SEC11C: variants seen among roughly 807,000 people sequenced by gnomAD.
SEC11C encodes SEC11 homolog C, signal peptidase complex subunit, also known as signal peptidase complex catalytic subunit SEC11C.
A neutral mutation model predicts 21.9 loss-of-function variants in SEC11C; 10 were observed. That is an observed-to-expected ratio of 0.46 (90% confidence interval 0.28 to 0.77). SEC11C has a LOEUF of 0.77. Among genes scored for constraint, SEC11C ranks in the 30% least tolerant of loss-of-function variants. The pLI, the probability that SEC11C is intolerant of heterozygous loss-of-function variation, is 0.12. For synonymous variants in SEC11C, 83 were observed against 85.6 expected, an observed-to-expected ratio of 0.97 and a Z score of 0.17; for missense variants, 145 against 244.5, an observed-to-expected ratio of 0.59 and a Z score of 2.71.
chr18:59,157,767 A>G (rs1163877953), intron 5 of SEC11C, 102 bp downstream of exon 5: 2 of 772,578 alleles, frequency 2.6e-6, no homozygotes, highest in Non-Finnish European at 4.5e-6. Context: ...TGTTGCCATT[A>G]ATAGGCCTGC....
intron 1 of SEC11C, among the ~76,000 whole-genome samples, 192 bp downstream of exon 1, chr18:59,140,227 AAGAGCACAATT>A (rs2069194155): frequency 6.6e-6 from 1 of 152,240 alleles, no homozygotes; most frequent in South Asian, 2.1e-4. Flanking sequence ...TTGCCCTGAC[AAGAGCACAATT>A]AGGGGAGGGT....
intron 2 of SEC11C, among the ~76,000 whole-genome samples, chr18:59,150,439 C>T (rs1303692373): frequency 6.6e-6 from 1 of 152,248 alleles, no homozygotes; most frequent in African/African-American, 2.4e-5. Flanking sequence ...CCATGCCTCA[C>T]CAGGCCGCCC....
At position 59,149,509 on chromosome 18, in the gene SEC11C, C is replaced by G. The variant is rs2069321052; in HGVS notation, c.88-4C>G. The G allele has an allele frequency of 6.3e-7, 1 of 1,588,278 alleles. No homozygotes were observed. Among genetic ancestry groups the G allele is most frequent in the African/African-American group, 1.3e-5 (1 of 74,472 alleles). On this transcript the variant is annotated splice_region_variant and splice_polypyrimidine_tract_variant and intron_variant, in intron 1 of 5. Transcript: ENST00000587834. ...TCATCGTGGTTTCCTCTTTTTCATT[C>G]CAGCTCTATTACCAGGTTTTAAACT...
intron 4 of SEC11C, 50 bp downstream of exon 4, chr18:59,155,857 A>C: frequency 6.3e-7 from 1 of 1,598,440 alleles, no homozygotes; most frequent in South Asian, 1.1e-5. Flanking sequence ...AACACTTAGA[A>C]ATGAAGAAAT....
chr18:59,144,101 A>G (rs2069243810), intron 1 of SEC11C, among the ~76,000 whole-genome samples: 1 of 151,920 alleles, frequency 6.6e-6, no homozygotes, highest in South Asian at 2.1e-4. Flanking sequence ...TTATCCGCCC[A>G]CCTCGGCCTC....
At chr18:59,148,331 A>G (rs1440793451) in intron 1 of SEC11C, among the ~76,000 whole-genome samples, 1 of 152,214 alleles carries the variant, frequency 6.6e-6, no homozygotes, top group Non-Finnish European at 1.5e-5. Flanking sequence ...TGCGCCTGGA[A>G]GGAAGGCGGA....
At chr18:59,152,047 A>G (rs998258902) in intron 2 of SEC11C, among the ~76,000 whole-genome samples, 3 of 152,094 alleles carry the variant, frequency 2.0e-5, no homozygotes, top group Non-Finnish European at 4.4e-5. Context: ...GTTTTGTCCC[A>G]GCCCTCAGTT....
At chr18:59,158,332 A>C (rs775670644) in intron 5 of SEC11C, among the ~76,000 whole-genome samples, 73 of 152,096 alleles carry the variant, frequency 4.8e-4, no homozygotes, top group Non-Finnish European at 6.8e-4. Context: ...CTGGGATTAC[A>C]GGCGTGTATC....
At chr18:59,144,393 A>T (rs946170343) in intron 1 of SEC11C, among the ~76,000 whole-genome samples, 33 of 152,192 alleles carry the variant, frequency 2.2e-4, no homozygotes. Context: ...GCTAGCACTA[A>T]GTATTAGTAT....
intron 2 of SEC11C, among the ~76,000 whole-genome samples, chr18:59,151,356 T>C (rs554513878): frequency 6.6e-6 from 1 of 152,168 alleles, no homozygotes; most frequent in Non-Finnish European, 1.5e-5. Flanking sequence ...AATTATGTTT[T>C]ATTTCAGAGA....
chr18:59,144,228 T>C (rs1442886423), intron 1 of SEC11C, among the ~76,000 whole-genome samples: 2 of 152,232 alleles, frequency 1.3e-5, no homozygotes, highest in Non-Finnish European at 2.9e-5. Context: ...ATTAAGACTG[T>C]AATAAATGTC....
At chr18:59,151,222 C>T (rs1024458524) in intron 2 of SEC11C, among the ~76,000 whole-genome samples, 9 of 152,172 alleles carry the variant, frequency 5.9e-5, no homozygotes, top group African/African-American at 1.2e-4. Flanking sequence ...TTCCCTTAAC[C>T]GTTACTTTTC....
At chr18:59,157,023 C>T (rs530981103) in intron 4 of SEC11C, 31 of 152,446 alleles carry the variant, frequency 2.0e-4, no homozygotes, top group African/African-American at 7.5e-4. Flanking sequence ...GACCTGGGTC[C>T]ATCTGATTAC....
chr18:59,143,503 TTAC>T (rs2069235747), intron 1 of SEC11C, among the ~76,000 whole-genome samples: 1 of 152,228 alleles, frequency 6.6e-6, no homozygotes, highest in African/African-American at 2.4e-5. Context: ...TTGCCTCAAA[TTAC>T]CTATTTTTAC....
chr18:59,147,765 A>G (rs2069294022), intron 1 of SEC11C: 1 of 152,164 alleles, frequency 6.6e-6, no homozygotes, highest in Non-Finnish European at 1.5e-5. Flanking sequence ...CAGAGGCCTC[A>G]CCCTCCTCAG....
chr18:59,149,592 G>A lies in SEC11C; in HGVS notation c.167G>A (p.Gly56Asp). 1 of 1,612,538 alleles carries A rather than the reference G, an allele frequency of 6.2e-7. No homozygotes were observed. The highest frequency in any genetic ancestry group is 8.5e-7 in the Non-Finnish European group (1 of 1,178,746). ...MIWKGLIVLTGSESPIVVVLS... is the reference protein window; with the variant it reads ...MIWKGLIVLTDSESPIVVVLS... ...TGGAAAGGCTTGATCGTGCTCACAG[G>A]CAGTGAGAGCCCCATCGTGGTGGTG... Residue 56 changes from glycine (G) to aspartate (D), a missense_variant, in exon 2 of 6, where the codon GGC (glycine) becomes GAC (aspartate). Coordinates refer to ENST00000587834, the MANE Select transcript of SEC11C (RefSeq NM_033280.4).
chr18:59,150,372 C>G (rs1396270192), intron 2 of SEC11C, among the ~76,000 whole-genome samples: 2 of 152,346 alleles, frequency 1.3e-5, no homozygotes, highest in Admixed American at 1.3e-4. Flanking sequence ...GCTCCCAAAC[C>G]AGTGCCCTTT....
intron 1 of SEC11C, chr18:59,147,412 T>C (rs1486899691): frequency 6.6e-6 from 1 of 152,168 alleles, no homozygotes; most frequent in Non-Finnish European, 1.5e-5. Context: ...CTGTCTAACA[T>C]CACTGCCTCC....
intron 2 of SEC11C, among the ~76,000 whole-genome samples, chr18:59,149,859 C>T (rs4940845): frequency 0.34 from 51,473 of 152,062 alleles, 9,387 homozygotes; most frequent in African/African-American, 0.46. Flanking sequence ...TGTTGATGCT[C>T]GTGTACCTAA....
Sources: allele counts gnomAD v4.1 joint callset (sites outside exome capture counted in the v4.1 genomes callset), GRCh38; gene constraint gnomAD v4.1.1; transcripts MANE v1.5; gene names NCBI Gene and HGNC (gene_info 2026-07-23, HGNC 2026-07-21).